MEGF6: variants seen among roughly 807,000 people sequenced by gnomAD.
The protein encoded by MEGF6 is multiple epidermal growth factor-like domains protein 6.
MEGF6 carries 184 observed loss-of-function variants against 207.1 expected under a neutral mutation model. The ratio of observed to expected loss-of-function variants is 0.89; its 90% confidence interval spans 0.79 to 1.00. The LOEUF (loss-of-function observed/expected upper bound fraction) is 1.00. Among genes scored for constraint, MEGF6 ranks in the 50% least tolerant of loss-of-function variants. The pLI is 0.00. For synonymous variants in MEGF6, 1,038 were observed against 910.0 expected, an observed-to-expected ratio of 1.14 and a Z score of -2.53; for missense variants, 2,282 against 2,202.9, an observed-to-expected ratio of 1.04 and a Z score of -0.72.
chr1:3,498,528 G>A lies in MEGF6; in HGVS notation c.3224-29C>T, dbSNP rs201737044. 6 of 1,541,064 alleles carry A rather than the reference G, an allele frequency of 3.9e-6. No homozygotes were observed. In the African/African-American group the frequency reaches 8.2e-5, roughly 21 times the overall value. On this transcript the variant is annotated intron_variant, in intron 25 of 36. Coordinates refer to ENST00000356575, the MANE Select transcript of MEGF6 (RefSeq NM_001409.4). ...CAGGAGCAGAGGCAGGCACGAGGGT[G>A]AGGGTCCTGCCTCCTGGGCCCAGGA...
chr1:3,515,361 C>T lies in MEGF6; in HGVS notation c.730+41G>A, dbSNP rs1168993185. ...GCCCAGGCGAGGCAGCTTGTCCTGCCTCCACCCCCAGGTCCTCCCTCCCAG... is the reference window on the plus strand; with the variant it reads ...GCCCAGGCGAGGCAGCTTGTCCTGCTTCCACCCCCAGGTCCTCCCTCCCAG... On this transcript the variant is annotated intron_variant, in intron 6 of 36. Coordinates refer to ENST00000356575, the MANE Select transcript of MEGF6 (RefSeq NM_001409.4). 3 of 1,584,026 alleles carry T rather than the reference C, an allele frequency of 1.9e-6. No homozygotes were observed. The African/African-American group carries it at 4.0e-5, about 21-fold the overall frequency.
intron 4 of MEGF6, among the ~76,000 whole-genome samples, chr1:3,537,175 C>T (rs924700085): frequency 3.3e-5 from 5 of 152,202 alleles, no homozygotes; most frequent in Admixed American, 2.6e-4. Flanking sequence ...CAGTGGGGCC[C>T]AAGGGGGCCA....
At chr1:3,595,625 G>A (rs927071711) in intron 2 of MEGF6, among the ~76,000 whole-genome samples, 178 bp from the exon 3 acceptor site, 2 of 152,196 alleles carry the variant, frequency 1.3e-5, no homozygotes, top group African/African-American at 2.4e-5. Flanking sequence ...TCTTCTGAAC[G>A]AGGGGGCAGC....
intron 5 of MEGF6, among the ~76,000 whole-genome samples, chr1:3,515,759 G>A (rs752537756): frequency 1.6e-4 from 24 of 152,222 alleles, no homozygotes; most frequent in Non-Finnish European, 2.6e-4. Context: ...CAGGCCTGTG[G>A]GGGATTCACT....
In MEGF6 at chr1:3,560,019, GAAA is replaced by G. The variant is rs56851590; in HGVS notation, c.481+19803_481+19805del. On this transcript the variant is annotated intron_variant, in intron 4 of 36. Coordinates refer to ENST00000356575, the MANE Select transcript of MEGF6 (RefSeq NM_001409.4). This position sits in a 1 kb window ranked among gnomAD's most constrained non-coding sequence, Gnocchi z 4.0. ...TATGAGAGTCCGTCTCAAAATAAAA[GAAA>G]AAAAAAAAAAAAAAGGAAACACGAT... is the stretch of plus-strand genomic sequence containing the variant. Among the ~76,000 whole-genome samples the G allele has an allele frequency of 9.2e-5, 9 of 97,466 alleles. No individual in the cohort carries two copies. Among genetic ancestry groups the G allele is most frequent in the South Asian group, 3.4e-4 (1 of 2,914 alleles). 63.9% of individuals were successfully genotyped at this position (97,466 alleles called of 152,430 possible). A position where few individuals can be genotyped will look rare whatever the true frequency, so the allele number is the denominator to read the frequency against.
intron 4 of MEGF6, among the ~76,000 whole-genome samples, chr1:3,576,365 C>A (rs1250878844): frequency 6.6e-6 from 1 of 152,238 alleles, no homozygotes. Flanking sequence ...GGCTCCTTCC[C>A]CCCACTGCCC....
chr1:3,560,488 C>T lies in MEGF6; in HGVS notation c.481+19337G>A, dbSNP rs1339383603. On this transcript the variant is annotated intron_variant, in intron 4 of 36. Coordinates refer to ENST00000356575, the MANE Select transcript of MEGF6 (RefSeq NM_001409.4). This position sits in a 1 kb window ranked among gnomAD's most constrained non-coding sequence, Gnocchi z 4.0. ...TTCCTCCCTCCTTCCTCACCCCTGG[C>T]ACCTCTGCTGTCTCTACGGTGTGGC... 6.6e-6 allele frequency among the ~76,000 whole-genome samples: 1 copy of T among 152,240 alleles called. No homozygotes were observed. Among genetic ancestry groups the T allele is most frequent in the Non-Finnish European group, 1.5e-5 (1 of 68,048 alleles).
intron 14 of MEGF6, among the ~76,000 whole-genome samples, chr1:3,506,766 C>G (rs959027694): frequency 3.9e-5 from 6 of 152,208 alleles, no homozygotes; most frequent in Non-Finnish European, 1.5e-5. Context: ...CAACTACATA[C>G]ACGTCCTAGT....
chr1:3,545,001 G>A (rs1031662139), intron 4 of MEGF6, among the ~76,000 whole-genome samples: 1 of 152,212 alleles, frequency 6.6e-6, no homozygotes, highest in African/African-American at 2.4e-5. Context: ...ACTTTAAAGG[G>A]GGGCATATAC....
intron 2 of MEGF6, 61 bp from the exon 3 acceptor site, chr1:3,595,508 A>T (rs1355951857): frequency 1.4e-6 from 2 of 1,398,656 alleles, no homozygotes. Flanking sequence ...TTCGGCTCTC[A>T]CTGCACCCCT....
intron 17 of MEGF6, among the ~76,000 whole-genome samples, chr1:3,502,926 C>G (rs1438568157): frequency 6.6e-6 from 1 of 152,202 alleles, no homozygotes; most frequent in Non-Finnish European, 1.5e-5. Context: ...CTCTGATGCC[C>G]TGCCTGCTGC....
intron 5 of MEGF6, among the ~76,000 whole-genome samples, chr1:3,516,660 A>G (rs1641552306): frequency 1.3e-5 from 2 of 152,094 alleles, no homozygotes; most frequent in South Asian, 4.1e-4. Context: ...CATGGAGGGG[A>G]GGGCGGTCAG....
intron 4 of MEGF6, among the ~76,000 whole-genome samples, chr1:3,578,928 C>CACCCAGCTCAGAA (rs1557791112): frequency 5.9e-5 from 9 of 151,956 alleles, no homozygotes; most frequent in Admixed American, 2.6e-4. Context: ...GCAGGGGTGT[C>CACCCAGCTCAGAA]CTTCACAAAC....
rs944941261 is a variant in MEGF6, at chr1:3,542,759, G to A, written c.482-18513C>T. ...GGCAGAGCTACTCGCCCAAGACCAC[G>A]CAATAAGGAGCTAAGGGAAGTTCAA... On this transcript the variant is annotated intron_variant, in intron 4 of 36. Coordinates refer to ENST00000356575, the MANE Select transcript of MEGF6 (RefSeq NM_001409.4). Among the ~76,000 whole-genome samples the A allele has an allele frequency of 9.2e-5, 14 of 152,352 alleles. No homozygotes were observed. In the East Asian group the frequency reaches 1.4e-3, roughly 15 times the overall value.
At chr1:3,498,039 C>T (rs1275025081) in intron 26 of MEGF6, among the ~76,000 whole-genome samples, 1 of 152,132 alleles carries the variant, frequency 6.6e-6, no homozygotes, top group East Asian at 1.9e-4. Context: ...GCACAGGCTC[C>T]AGGACAAGGG....
intron 2 of MEGF6, among the ~76,000 whole-genome samples, chr1:3,598,344 G>A (rs558667266): frequency 2.8e-4 from 42 of 152,340 alleles, no homozygotes; most frequent in African/African-American, 9.9e-4. Context: ...CCGGAAGCAC[G>A]TGCTCATGCA....
intron 17 of MEGF6, among the ~76,000 whole-genome samples, chr1:3,502,278 C>T (rs1040267464): frequency 1.3e-5 from 2 of 152,120 alleles, no homozygotes; most frequent in African/African-American, 2.4e-5. Flanking sequence ...AAGCAGATCC[C>T]TCGGCCATCC....
rs772792898 is a variant in MEGF6, at chr1:3,505,272, G to A, written c.2124C>T (p.Asp708=). 6.2e-7 allele frequency: 1 copy of A among 1,612,548 alleles called. No individual in the cohort carries two copies. The highest frequency in any genetic ancestry group is 8.5e-7 in the Non-Finnish European group (1 of 1,179,850). Residue 708 remains aspartate (D), a synonymous_variant, in exon 17 of 37, where the codon GAC becomes GAT. Transcript: ENST00000356575. ...ACTCPVGVAC[D]SVSGECGKRC... ...GCTTCCCACACTCGCCGCTCACGGA[G>A]TCACAGGCCACGCCCACTGGGCAGG... is the stretch of plus-strand genomic sequence containing the variant.
intron 17 of MEGF6, 82 bp downstream of exon 17, chr1:3,505,126 T>C: frequency 6.4e-7 from 1 of 1,553,474 alleles, no homozygotes; most frequent in Non-Finnish European, 8.7e-7. Context: ...TGTGCAGCCC[T>C]TCTGAAGCCT....
Sources: allele counts gnomAD v4.1 joint callset (sites outside exome capture counted in the v4.1 genomes callset), GRCh38; gene constraint gnomAD v4.1.1; non-coding constraint Gnocchi (gnomAD v3.1); transcripts MANE v1.5; gene names NCBI Gene and HGNC (gene_info 2026-07-23, HGNC 2026-07-21).